ZBBX: variants seen among roughly 807,000 people sequenced by gnomAD.
ZBBX encodes zinc finger B-box domain containing.
A neutral mutation model predicts 108.5 loss-of-function variants in ZBBX; 101 were observed. The ratio of observed to expected loss-of-function variants is 0.93; its 90% CI spans 0.79 to 1.10. The LOEUF is 1.10. ZBBX is among the 50% of genes least tolerant of loss of function. The probability of loss-of-function intolerance (pLI) is 0.00; values close to 1 mark genes in which losing one functional copy is unlikely to be tolerated. For synonymous variants in ZBBX, 356 were observed against 323.4 expected, an observed-to-expected ratio of 1.10 and a Z score of -1.08; for missense variants, 1,009 against 941.4, an observed-to-expected ratio of 1.07 and a Z score of -0.94.
intron 13 of ZBBX, 122 bp from the exon 14 acceptor site, chr3:167,317,227 T>A (rs73879662): frequency 0.023 from 15,321 of 665,778 alleles, 301 homozygotes; most frequent in African/African-American, 0.066. Context: ...AAAATACAAA[T>A]ACTGTCAATT....
chr3:167,189,062 A>G, the ZBBX span, among the ~76,000 whole-genome samples: 8 of 152,190 alleles, frequency 5.3e-5, no homozygotes, highest in African/African-American at 1.9e-4. Context: ...AATTCCTACA[A>G]TTTGGGAGTT....
chr3:167,266,376 C>A (rs1406876411), intron 20 of ZBBX, among the ~76,000 whole-genome samples: 1 of 152,108 alleles, frequency 6.6e-6, no homozygotes, highest in African/African-American at 2.4e-5. Context: ...CTTTGTTCTC[C>A]AACTTAACTT....
intron 20 of ZBBX, among the ~76,000 whole-genome samples, chr3:167,275,957 G>C (rs1162833568): frequency 6.6e-6 from 1 of 152,200 alleles, no homozygotes; most frequent in African/African-American, 2.4e-5. Context: ...GCCTCCTCAA[G>C]TGGGTCCCTG....
At position 167,371,120 on chromosome 3, in the gene ZBBX, G is replaced by A. The variant is rs116400258; in HGVS notation, c.68+1714C>T. On this transcript the variant is annotated intron_variant, in intron 4 of 21. Coordinates refer to ENST00000675490, the MANE Select transcript of ZBBX (RefSeq NM_001199201.2). Reference sequence around the variant, plus strand: ...GTAATTACTGTGAGTGGGTATTCCTGTCCTGGTTTTTAATGGTTTGTGGAT... The same window carrying A: ...GTAATTACTGTGAGTGGGTATTCCTATCCTGGTTTTTAATGGTTTGTGGAT... Among the ~76,000 whole-genome samples, 734 of 152,286 alleles carry A rather than the reference G, an allele frequency of 4.8e-3. 5 individuals carry two copies. Among genetic ancestry groups the A allele is most frequent in the South Asian group, 0.021 (100 of 4,826 alleles).
At chr3:167,329,234 C>T (rs1407984414) in intron 10 of ZBBX, among the ~76,000 whole-genome samples, 1 of 152,118 alleles carries the variant, frequency 6.6e-6, no homozygotes, top group Admixed American at 6.6e-5. Context: ...GAAACCCAAG[C>T]AAAGTAAAAC....
At chr3:167,257,061 A>G (rs532000347) in intron 20 of ZBBX, among the ~76,000 whole-genome samples, 2 of 152,264 alleles carry the variant, frequency 1.3e-5, no homozygotes, top group Admixed American at 1.3e-4. Flanking sequence ...TGTTCTCCAT[A>G]GTGTTTGAAC....
intron 20 of ZBBX, among the ~76,000 whole-genome samples, chr3:167,264,183 G>A (rs1365223889): frequency 4.6e-5 from 7 of 151,500 alleles, no homozygotes. Context: ...CTTTTAATTG[G>A]AGAGTTTAGT....
chr3:167,368,566 T>C lies in ZBBX; in HGVS notation c.77A>G (p.Gln26Arg), dbSNP rs1745690599. The part of the protein sequence containing the change: ...NSVKLKYRNA[Q>R]ELRMEKVQLE... The stretch of plus-strand genomic sequence containing the variant: ...CTGTACTTTCTCCATTCGCAGTTCT[T>C]GAGCATTTCTGAAGACATAAGATTT... The change falls in exon 5 of 22, where the codon CAA (glutamine) becomes CGA (arginine). Residue 26 changes from glutamine to arginine, a missense_variant. Transcript: ENST00000675490. 1.2e-6 allele frequency: 2 copies of C among 1,606,164 alleles called. No homozygotes were observed. Among genetic ancestry groups the C allele is most frequent in the South Asian group, 2.2e-5 (2 of 89,752 alleles).
At chr3:167,407,051 T>C (rs1748606595) in intron 1 of ZBBX, among the ~76,000 whole-genome samples, 1 of 152,180 alleles carries the variant, frequency 6.6e-6, no homozygotes, top group Admixed American at 6.6e-5. Flanking sequence ...GCCCTTGTTT[T>C]TCAAGTGGTC....
chr3:167,283,935 AT>A (rs1348415102), intron 19 of ZBBX, among the ~76,000 whole-genome samples: 2 of 152,150 alleles, frequency 1.3e-5, no homozygotes, highest in African/African-American at 2.4e-5. Flanking sequence ...CTTAAAAAAA[AT>A]CTACTTCGAA....
the ZBBX span, among the ~76,000 whole-genome samples, chr3:167,217,069 T>C: frequency 6.6e-6 from 1 of 151,844 alleles, no homozygotes; most frequent in African/African-American, 2.4e-5. Context: ...TGGGCAAAGG[T>C]TTCATGACGA....
upstream of ZBBX, among the ~76,000 whole-genome samples, chr3:167,381,541 A>G (rs2108631750): frequency 6.6e-6 from 1 of 152,346 alleles, no homozygotes; most frequent in Middle Eastern, 3.4e-3. Flanking sequence ...TGTTCATGGT[A>G]TAACTTTACC....
In ZBBX at chr3:167,322,155, T is replaced by C. The variant is rs1238589725; in HGVS notation, c.945A>G (p.Leu315=). 9.8e-6 allele frequency: 14 copies of C among 1,427,308 alleles called. No homozygotes were observed. The African/African-American group carries it at 1.5e-4, about 15-fold the overall frequency. The allele number at this position is 1,427,308 out of a possible 1,614,324, so 88.4% of individuals were successfully genotyped here. ...TAAGCCATAATTTTTCCATATAGGA[T>C]AGAATGTCTTCTTTAAGTTCAATAT... ...PLNIELKEDI[L]SYMEKLWLKK... The change falls in exon 12 of 22, where the codon CTA becomes CTG. Residue 315 remains leucine, a synonymous_variant. Coordinates refer to ENST00000675490, the MANE Select transcript of ZBBX (RefSeq NM_001199201.2).
intron 9 of ZBBX, among the ~76,000 whole-genome samples, chr3:167,334,503 G>A (rs141146668): frequency 8.5e-5 from 13 of 152,240 alleles, no homozygotes; most frequent in African/African-American, 3.1e-4. Flanking sequence ...GAACCCAGGA[G>A]GCGGAGGTTG....
chr3:167,182,379 G>A, the ZBBX span, among the ~76,000 whole-genome samples: 3 of 152,146 alleles, frequency 2.0e-5, no homozygotes, highest in Admixed American at 6.5e-5. Flanking sequence ...ACTATATCCC[G>A]AGCAGCCAAA....
intron 1 of ZBBX, among the ~76,000 whole-genome samples, chr3:167,402,403 C>T (rs528473989): frequency 1.3e-5 from 2 of 152,198 alleles, no homozygotes; most frequent in South Asian, 4.1e-4. Context: ...GATAAATAAA[C>T]CCTTGGTGAA....
At chr3:167,351,626 G>A (rs1195257360) in intron 8 of ZBBX, among the ~76,000 whole-genome samples, 1 of 152,126 alleles carries the variant, frequency 6.6e-6, no homozygotes, top group East Asian at 1.9e-4. Flanking sequence ...CACTGGCCTA[G>A]AGAGGTGCCT....
At chr3:167,374,519 T>C (rs918398357) in intron 2 of ZBBX, among the ~76,000 whole-genome samples, 9 of 152,228 alleles carry the variant, frequency 5.9e-5, no homozygotes, top group Non-Finnish European at 1.3e-4. Flanking sequence ...ACCATAGACT[T>C]AAATGCCCAC....
At chr3:167,294,845 GA>G (rs1731340392) in intron 18 of ZBBX, among the ~76,000 whole-genome samples, 1 of 151,380 alleles carries the variant, frequency 6.6e-6, no homozygotes, top group African/African-American at 2.4e-5. Context: ...AAATTTACAA[GA>G]AAAAAACAAA....
Sources: gnomAD v4.1 joint callset for allele counts (sites outside exome capture counted in the v4.1 genomes callset) on GRCh38, gnomAD v4.1.1 for gene constraint, MANE v1.5 for transcripts, NCBI Gene and HGNC (gene_info 2026-07-23, HGNC 2026-07-21) for gene names.